ANGPTL6: variants seen among roughly 807,000 people sequenced by gnomAD.
ANGPTL6 encodes angiopoietin-related protein 6.
ANGPTL6 carries 45 observed loss-of-function variants against 47.4 expected under a neutral mutation model. The observed-to-expected ratio is 0.95, with a 90% CI of 0.75 to 1.22. The LOEUF is 1.22. Among genes scored for constraint, ANGPTL6 ranks in the 50% most tolerant of loss-of-function variants. The pLI is 0.00. For missense variants in ANGPTL6, 698 were observed against 669.4 expected, an observed-to-expected ratio of 1.04 and a Z score of -0.47; for synonymous variants, 290 against 295.9, an observed-to-expected ratio of 0.98 and a Z score of 0.20.
chr19:10,104,316 T>G (rs988854860), upstream of ANGPTL6, among the ~76,000 whole-genome samples: 1 of 56,468 alleles, frequency 1.8e-5, no homozygotes, highest in Non-Finnish European at 4.1e-5. Flanking sequence ...TTTGTGTGTG[T>G]GGTGTGTGTG....
upstream of ANGPTL6, among the ~76,000 whole-genome samples, chr19:10,104,400 TATTTA>T (rs1481019929): frequency 6.6e-6 from 1 of 151,930 alleles, no homozygotes; most frequent in East Asian, 1.9e-4. Flanking sequence ...TGTTGGCACT[TATTTA>T]ATTAACTATT....
Position 10,094,903 on chromosome 19 carries a change from C to G in ANGPTL6, c.618G>C (p.Pro206=). The change falls in exon 3 of 6, where the codon CCG becomes CCC. Residue 206 remains proline, a synonymous_variant. Transcript: ENST00000253109. ...CACTGGTGCTACCCACAAGACGGAC[C>G]GGAACCACAGGCACCAGTGGGGGTG... The part of the protein sequence containing the change: ...LPPPPLVPVV[P]VRLVGSTSDT... 1 of 1,613,030 alleles carries G rather than the reference C, an allele frequency of 6.2e-7. No individual in the cohort carries two copies. Among genetic ancestry groups the G allele is most frequent in the Non-Finnish European group, 8.5e-7 (1 of 1,179,446 alleles).
At chr19:10,093,216 T>C in intron 5 of ANGPTL6, 133 bp downstream of exon 5, 1 of 1,248,508 alleles carries the variant, frequency 8.0e-7, no homozygotes, top group African/African-American at 1.5e-5. Context: ...TTTGTTCTCT[T>C]GACGGAATAA....
chr19:10,096,633 G>T, intron 1 of ANGPTL6, 60 bp from the exon 2 acceptor site: 1 of 1,288,866 alleles, frequency 7.8e-7, no homozygotes, highest in South Asian at 1.6e-5. Context: ...AGACCCCTCC[G>T]CTTCCACGCG....
chr19:10,098,080 C>T, intron 1 of ANGPTL6, among the ~76,000 whole-genome samples: 1 of 151,428 alleles, frequency 6.6e-6, no homozygotes, highest in Admixed American at 6.6e-5. Context: ...TCTGTATAGT[C>T]AGGGTCTTGC....
rs1211167074 is a variant in ANGPTL6 at position 10,092,617 on chromosome 19, G to C, written c.1385C>G (p.Ala462Gly). Residue 462 changes from alanine (A) to glycine (G), a missense_variant, in exon 6 of 6, where the codon GCC (alanine) becomes GGC (glycine). Ala to Gly is a moderately conservative substitution (Grantham distance 60). Coordinates refer to ENST00000253109, the MANE Select transcript of ANGPTL6 (RefSeq NM_031917.3). Reference sequence around the variant, plus strand: ...CAGCTTCAGGGGCCGAATGAGCATGGCGGCCTTCCTGAGAGAATATGCCCC... The same window carrying C: ...CAGCTTCAGGGGCCGAATGAGCATGCCGGCCTTCCTGAGAGAATATGCCCC... ...RGGAYSLRKA[A>G]MLIRPLKL 1 of 1,610,692 alleles carries C rather than the reference G, an allele frequency of 6.2e-7. No individual in the cohort carries two copies. Among genetic ancestry groups the C allele is most frequent in the Non-Finnish European group, 8.5e-7 (1 of 1,177,420 alleles).
At chr19:10,095,876 G>T (rs1189819217) in intron 2 of ANGPTL6, 106 bp downstream of exon 2, 5 of 691,840 alleles carry the variant, frequency 7.2e-6, no homozygotes, top group Admixed American at 4.3e-5. Context: ...GTAGGAATCC[G>T]GTTTTCAGGG....
upstream of ANGPTL6, among the ~76,000 whole-genome samples, chr19:10,105,859 A>G (rs1264048373): frequency 2.0e-5 from 3 of 152,218 alleles, no homozygotes; most frequent in Non-Finnish European, 4.4e-5. Context: ...GAGTTTCCAG[A>G]AGGTGATGTG....
At chr19:10,092,837 C>A in intron 5 of ANGPTL6, 58 bp from the exon 6 acceptor site, 1 of 1,420,238 alleles carries the variant, frequency 7.0e-7, no homozygotes, top group East Asian at 2.4e-5. Context: ...CTACCTGCAC[C>A]TCACAGTGCA....
intron 1 of ANGPTL6, among the ~76,000 whole-genome samples, chr19:10,100,262 AAG>A (rs1030196647): frequency 6.6e-6 from 1 of 151,810 alleles, no homozygotes; most frequent in Non-Finnish European, 1.5e-5. Context: ...AAAGAAAAAA[AAG>A]AGAGAGTCGT....
rs2088527734 is a variant in ANGPTL6, at chr19:10,096,175, G to A, written c.389C>T (p.Ala130Val). 1.0e-5 allele frequency: 13 copies of A among 1,294,838 alleles called. No individual in the cohort carries two copies. Among genetic ancestry groups the A allele is most frequent in the Middle Eastern group, 5.7e-4 (2 of 3,506 alleles). The allele number at this position is 1,294,838 out of a possible 1,614,324, so 80.2% of individuals were successfully genotyped here. ...PGAGPGADLG[A>V]EPAAALALLG... ...CAGCGCCAGCGCCGCGGCAGGCTCC[G>A]CCCCCAGATCCGCCCCCGGGCCCGC... The change falls in exon 2 of 6, where the codon GCG becomes GTG. Residue 130 changes from alanine to valine, a missense_variant. Coordinates refer to ENST00000253109, the MANE Select transcript of ANGPTL6 (RefSeq NM_031917.3).
At chr19:10,106,054 G>C (rs533982912), upstream of ANGPTL6, among the ~76,000 whole-genome samples, 254 of 152,388 alleles carry the variant, frequency 1.7e-3, no homozygotes, top group Non-Finnish European at 2.7e-3. Flanking sequence ...GTGGGCCCGG[G>C]GGACATTATC....
In ANGPTL6 at chr19:10,093,898, G is replaced by A. The variant is rs112377209; in HGVS notation, c.764-18C>T. The A allele has an allele frequency of 2.6e-5, 41 of 1,604,088 alleles. No individual in the cohort carries two copies. In the African/African-American group the frequency reaches 3.2e-4, roughly 13 times the overall value. ...CCACGGGCCTGTGGGCACAGGGATA[G>A]GGGGGAGGCACAGCCTGGGCTGACC... On this transcript the variant is annotated intron_variant, in intron 3 of 5. Transcript: ENST00000253109.
chr19:10,098,908 G>A (rs183296711), intron 1 of ANGPTL6, among the ~76,000 whole-genome samples: 10 of 151,830 alleles, frequency 6.6e-5, no homozygotes, highest in Admixed American at 5.9e-4. Flanking sequence ...CTTCCCATCC[G>A]TCGGATATTG....
upstream of ANGPTL6, among the ~76,000 whole-genome samples, chr19:10,103,826 G>A (rs1388936939): frequency 1.3e-5 from 2 of 151,070 alleles, no homozygotes; most frequent in African/African-American, 2.4e-5. Context: ...TGGGCGCGGT[G>A]GCTCACGCCT....
At chr19:10,104,114 A>G (rs1168156044), upstream of ANGPTL6, among the ~76,000 whole-genome samples, 1 of 151,886 alleles carries the variant, frequency 6.6e-6, no homozygotes, top group African/African-American at 2.4e-5. Flanking sequence ...AAAGAAATAA[A>G]AATGTAAGAT....
intron 3 of ANGPTL6, 174 bp downstream of exon 3, chr19:10,094,584 C>T: frequency 2.5e-6 from 2 of 801,064 alleles, no homozygotes; most frequent in East Asian, 2.6e-5. Context: ...AGAGTCCCTC[C>T]TCTTCTATTT....
In ANGPTL6 at chr19:10,092,429, G is replaced by A; in HGVS notation, c.*160C>T. ...TCTGAGGCCAAGATATTGACGGGGG[G>A]GATTCCTGGGTCCCATTTTCAGCGC... On this transcript the variant is annotated 3_prime_UTR_variant, in exon 6 of 6. Transcript: ENST00000253109. 6.6e-7 allele frequency: 1 copy of A among 1,516,500 alleles called. No homozygotes were observed. The highest frequency in any genetic ancestry group is 8.8e-7 in the Non-Finnish European group (1 of 1,131,432). The allele number at this position is 1,516,500 out of a possible 1,614,324, so 93.9% of individuals were successfully genotyped here. A position where few individuals can be genotyped will look rare whatever the true frequency, so the allele number is the denominator to read the frequency against.
upstream of ANGPTL6, among the ~76,000 whole-genome samples, chr19:10,105,561 C>A (rs796849040): frequency 6.9e-6 from 1 of 145,298 alleles, no homozygotes; most frequent in Non-Finnish European, 1.5e-5. Flanking sequence ...ATGAAAGAGA[C>A]AACTGATGAC....
Sources: gnomAD v4.1 joint callset for allele counts (sites outside exome capture counted in the v4.1 genomes callset) on GRCh38, gnomAD v4.1.1 for gene constraint, MANE v1.5 for transcripts, NCBI Gene and HGNC (gene_info 2026-07-23, HGNC 2026-07-21) for gene names.